TBX18: variants seen among roughly 807,000 people sequenced by gnomAD.
TBX18 encodes the protein T-box transcription factor 18.
TBX18 carries 21 observed loss-of-function variants against 55.0 expected under a neutral mutation model. That is an observed-to-expected ratio of 0.38 (90% confidence interval 0.27 to 0.55). TBX18 has a LOEUF of 0.55. Ranked by LOEUF, TBX18 falls within the 20% of genes least tolerant of loss-of-function variation. The probability of loss-of-function intolerance (pLI) is 0.73; values close to 1 mark genes in which losing one functional copy is unlikely to be tolerated. For missense variants in TBX18, 840 were observed against 799.6 expected (o/e 1.05, Z -0.61); for synonymous variants, 342 against 326.1 (o/e 1.05, Z -0.53).
intron 6 of TBX18, among the ~76,000 whole-genome samples, chr6:84,740,033 C>T (rs1178715681): frequency 6.6e-6 from 1 of 152,132 alleles, no homozygotes; most frequent in Non-Finnish European, 1.5e-5. Context: ...ACAAACACAC[C>T]TCATGAGGCT....
intron 6 of TBX18, chr6:84,742,234 C>A (rs1330387822): frequency 1.3e-5 from 2 of 152,098 alleles, no homozygotes; most frequent in East Asian, 1.9e-4. Context: ...TCACTGTCTT[C>A]TGTATGTTCC....
Position 84,736,954 on chromosome 6 carries a change from T to C in TBX18, c.1555A>G (p.Asn519Asp), listed in dbSNP as rs1449689857. The change falls in exon 8 of 8, where the codon AAT (asparagine) becomes GAT (aspartate). Residue 519 changes from asparagine to aspartate, a missense_variant. Asn to Asp is a conservative substitution (Grantham distance 23, BLOSUM62 1). Coordinates refer to ENST00000369663, the MANE Select transcript of TBX18 (RefSeq NM_001080508.3). ...ATNQTHQGSY[N>D]TFRLHSPCAL... ...CAGGGGCTGTGTAATCTAAAAGTAT[T>C]ATAGGAACCCTGATGGGTCTGGTTA... 1 of 1,609,136 alleles carries C rather than the reference T, an allele frequency of 6.2e-7. No individual in the cohort carries two copies. Among genetic ancestry groups the C allele is most frequent in the East Asian group, 2.2e-5 (1 of 44,782 alleles).
Position 84,764,083 on chromosome 6 carries a change from C to G in TBX18, c.99G>C (p.Gln33His), listed in dbSNP as rs1291224367. Residue 33 changes from glutamine (Q) to histidine (H), a missense_variant, in exon 1 of 8, where the codon CAG becomes CAC. By Grantham distance (24) the Gln-to-His change is conservative. Coordinates refer to ENST00000369663, the MANE Select transcript of TBX18 (RefSeq NM_001080508.3). The stretch of plus-strand genomic sequence containing the variant: ...CCAGTTTTCGCCGCTTCTTCTGAAG[C>G]TGTTGCTGCTTCTCGGCGCCGATCA... ...EALIGAEKQQ[Q>H]LQKKRRKLGA... is the part of the protein sequence containing the mutation. 1 of 1,584,478 alleles carries G rather than the reference C, an allele frequency of 6.3e-7. No homozygotes were observed. The highest frequency in any genetic ancestry group is 1.7e-5 in the Admixed American group (1 of 58,460).
At chr6:84,761,153 T>C (rs1372970135) in intron 2 of TBX18, among the ~76,000 whole-genome samples, 1 of 152,216 alleles carries the variant, frequency 6.6e-6, no homozygotes, top group Admixed American at 6.5e-5. Context: ...CAGTAAATTA[T>C]TGTATATAAA....
chr6:84,737,511 G>A, intron 7 of TBX18, 102 bp from the exon 8 acceptor site: 1 of 1,311,988 alleles, frequency 7.6e-7, no homozygotes, highest in Non-Finnish European at 1.0e-6. Context: ...GCAAGGGTTG[G>A]AGGAATGCTA....
chr6:84,740,328 T>C (rs1475210978), intron 6 of TBX18, among the ~76,000 whole-genome samples: 1 of 152,094 alleles, frequency 6.6e-6, no homozygotes, highest in Non-Finnish European at 1.5e-5. Context: ...CTAAAACTCA[T>C]TGTCTGACCT....
rs541968363 is a variant in TBX18, at chr6:84,735,032, T to A, written c.*1653A>T. ...ATTCAACAGTATATCTCCCTAAGTA[T>A]CTAACAAATTGTGTTGTTTCAAAGT... is the stretch of plus-strand genomic sequence containing the variant. On this transcript the variant is annotated 3_prime_UTR_variant, in exon 8 of 8. Coordinates refer to ENST00000369663, the MANE Select transcript of TBX18 (RefSeq NM_001080508.3). 5.9e-5 allele frequency: 9 copies of A among 152,318 alleles called. No individual in the cohort carries two copies. Among genetic ancestry groups the A allele is most frequent in the African/African-American group, 1.2e-4 (5 of 41,570 alleles). The allele number at this position is 152,318 out of a possible 1,614,324, so 9.4% of individuals were successfully genotyped here.
chr6:84,762,574 C>A lies in TBX18; in HGVS notation c.467G>T (p.Gly156Val), dbSNP rs772879527. The change falls in exon 2 of 8, where the codon GGC becomes GTC. Residue 156 changes from glycine to valine, a missense_variant. Gly to Val is a moderately radical substitution (Grantham distance 109, BLOSUM62 -3). Transcript: ENST00000369663. ...AELWKRFHEI[G>V]TEMIITKAGR... ...GGCCTTGGTGATGATCATCTCAGTGCCTATCTCATGAAAGCGCTTCCAGAG... is the reference window on the plus strand; with the variant it reads ...GGCCTTGGTGATGATCATCTCAGTGACTATCTCATGAAAGCGCTTCCAGAG... 5 of 1,614,034 alleles carry A rather than the reference C, an allele frequency of 3.1e-6. No homozygotes were observed. Among genetic ancestry groups the A allele is most frequent in the Non-Finnish European group, 4.2e-6 (5 of 1,180,016 alleles).
chr6:84,762,409 G>A, intron 2 of TBX18, 135 bp downstream of exon 2: 1 of 1,045,928 alleles, frequency 9.6e-7, no homozygotes, highest in South Asian at 1.3e-5. Context: ...CACGGTCTGG[G>A]GCCTGGTCCC....
Position 84,734,194 on chromosome 6 carries a change from C to T in TBX18, c.*2491G>A, listed in dbSNP as rs182629990. Reference sequence around the variant, plus strand: ...TCCCCTGGACCCAAAACAAAACATACCACCCCATCCCTTTCCTCTCACATT... The same window carrying T: ...TCCCCTGGACCCAAAACAAAACATATCACCCCATCCCTTTCCTCTCACATT... On this transcript the variant is annotated 3_prime_UTR_variant, in exon 8 of 8. Coordinates refer to ENST00000369663, the MANE Select transcript of TBX18 (RefSeq NM_001080508.3). 2 of 152,300 alleles carry T rather than the reference C, an allele frequency of 1.3e-5. No homozygotes were observed. The highest frequency in any genetic ancestry group is 3.9e-4 in the East Asian group (2 of 5,192). The allele number at this position is 152,300 out of a possible 1,614,324, so 9.4% of individuals were successfully genotyped here. A position where few individuals can be genotyped will look rare whatever the true frequency, so the allele number is the denominator to read the frequency against.
chr6:84,742,759 GA>G (rs926474802), intron 6 of TBX18, among the ~76,000 whole-genome samples: 78 of 150,354 alleles, frequency 5.2e-4, no homozygotes, highest in Non-Finnish European at 9.2e-4. Flanking sequence ...TTCTGGTTAA[GA>G]AAAAAAAACT....
chr6:84,764,200 G>T lies in TBX18; in HGVS notation c.-19C>A, dbSNP rs563337628. ...CGGCCATCCCCCCCGCCCCGCGCCCGCCCGCCCCTCTCTCATATACACTCA... is the reference window on the plus strand; with the variant it reads ...CGGCCATCCCCCCCGCCCCGCGCCCTCCCGCCCCTCTCTCATATACACTCA... On this transcript the variant is annotated 5_prime_UTR_variant, in exon 1 of 8. Coordinates refer to ENST00000369663, the MANE Select transcript of TBX18 (RefSeq NM_001080508.3). 3.2e-6 allele frequency: 2 copies of T among 626,124 alleles called. No homozygotes were observed. The highest frequency in any genetic ancestry group is 2.2e-6 in the Non-Finnish European group (1 of 447,230). 38.8% of individuals were successfully genotyped at this position (626,124 alleles called of 1,614,324 possible). A position where few individuals can be genotyped will look rare whatever the true frequency, so the allele number is the denominator to read the frequency against.
Position 84,736,904 on chromosome 6 carries a change from G to T in TBX18, c.1605C>A (p.Ser535=). Residue 535 remains serine, a synonymous_variant, in exon 8 of 8, where the codon TCC becomes TCA. Coordinates refer to ENST00000369663, the MANE Select transcript of TBX18 (RefSeq NM_001080508.3). The part of the protein sequence containing the change: ...SPCALYGYNF[S]TSPKLAASPE... ...GACTGGCAGCCAGTTTGGGGGATGTGGAGAAGTTATATCCATATAGTGCAC... is the reference window on the plus strand; with the variant it reads ...GACTGGCAGCCAGTTTGGGGGATGTTGAGAAGTTATATCCATATAGTGCAC... 6.2e-7 allele frequency: 1 copy of T among 1,613,140 alleles called. No individual in the cohort carries two copies.
At position 84,764,498 on chromosome 6, in the gene TBX18, G is replaced by T; in HGVS notation, c.-317C>A. ...GGTCTGCCTCAACTGATGCGCCAGA[G>T]AGGACTAACATGGGTAAAAAACACT... On this transcript the variant is annotated 5_prime_UTR_variant, in exon 1 of 8. Coordinates refer to ENST00000369663, the MANE Select transcript of TBX18 (RefSeq NM_001080508.3). 2.8e-6 allele frequency: 1 copy of T among 351,306 alleles called. No homozygotes were observed. Among genetic ancestry groups the T allele is most frequent in the Non-Finnish European group, 5.1e-6 (1 of 196,272 alleles). The allele number at this position is 351,306 out of a possible 1,614,324, so 21.8% of individuals were successfully genotyped here.
chr6:84,744,360 A>G (rs369883380), intron 5 of TBX18, 35 bp from the exon 6 acceptor site: 46 of 1,590,936 alleles, frequency 2.9e-5, no homozygotes, highest in Non-Finnish European at 3.8e-5. Flanking sequence ...CAAATCTTAT[A>G]TAAATGTCAA....
At chr6:84,760,678 ATTTAC>A (rs1323412898) in intron 2 of TBX18, among the ~76,000 whole-genome samples, 2 of 152,222 alleles carry the variant, frequency 1.3e-5, no homozygotes, top group Non-Finnish European at 2.9e-5. Flanking sequence ...CGATAAGCAT[ATTTAC>A]TTTAGTAATA....
chr6:84,760,242 C>G lies in TBX18; in HGVS notation c.599+13G>C. ...GTTTTTTTTTTTAATTGTTCAGTAT[C>G]TAATCACTGTACCTGTATCTTTTGT... On this transcript the variant is annotated intron_variant, in intron 3 of 7. Transcript: ENST00000369663. 6.6e-7 allele frequency: 1 copy of G among 1,508,724 alleles called. No homozygotes were observed. The highest frequency in any genetic ancestry group is 1.3e-5 in the South Asian group (1 of 79,472). The allele number at this position is 1,508,724 out of a possible 1,614,324, so 93.5% of individuals were successfully genotyped here. A position where few individuals can be genotyped will look rare whatever the true frequency, so the allele number is the denominator to read the frequency against.
chr6:84,743,974 C>T (rs1373868367), intron 6 of TBX18, among the ~76,000 whole-genome samples: 1 of 152,160 alleles, frequency 6.6e-6, no homozygotes, highest in African/African-American at 2.4e-5. Context: ...ATACTGAAGC[C>T]TCTGTGCCTG....
chr6:84,760,005 C>A (rs932826797), intron 3 of TBX18, among the ~76,000 whole-genome samples: 4 of 152,110 alleles, frequency 2.6e-5, no homozygotes, highest in South Asian at 2.1e-4. Context: ...CAAATTATCC[C>A]CTTTAAAAAG....
Sources: allele counts gnomAD v4.1 joint callset (sites outside exome capture counted in the v4.1 genomes callset), GRCh38; gene constraint gnomAD v4.1.1; transcripts MANE v1.5; gene names NCBI Gene and HGNC (gene_info 2026-07-23, HGNC 2026-07-21).